The following SAMMSON variants were observed in gnomAD, a reference collection of about 807,000 sequenced individuals.
SAMMSON encodes the protein long intergenic non-protein coding RNA 1212.
chr3:70,355,926 TA>T (rs1267099557), intron 8 of SAMMSON, among the ~76,000 whole-genome samples: 3 of 151,748 alleles, frequency 2.0e-5, no homozygotes, highest in African/African-American at 7.3e-5. Context: ...TCACATATTC[TA>T]AAAAAAAGCT....
chr3:70,394,221 C>T (rs573701195), downstream of SAMMSON, among the ~76,000 whole-genome samples: 8 of 152,248 alleles, frequency 5.3e-5, no homozygotes, highest in East Asian at 3.9e-4. Context: ...TATTGATTAT[C>T]GTGTGAGAGA....
At chr3:70,315,298 T>C (rs973109615) in intron 7 of SAMMSON, among the ~76,000 whole-genome samples, 1 of 152,166 alleles carries the variant, frequency 6.6e-6, no homozygotes, top group Non-Finnish European at 1.5e-5. Flanking sequence ...GATTTTGCCT[T>C]TGCCCTTTGA....
At chr3:70,254,040 A>C (rs1194878963) in intron 6 of SAMMSON, among the ~76,000 whole-genome samples, 3 of 152,226 alleles carry the variant, frequency 2.0e-5, no homozygotes, top group African/African-American at 7.2e-5. Context: ...GAATCTGTAC[A>C]GTTTGATTCA....
intron 7 of SAMMSON, among the ~76,000 whole-genome samples, chr3:70,334,518 G>A (rs947958153): frequency 6.6e-6 from 1 of 151,908 alleles, no homozygotes; most frequent in Admixed American, 6.6e-5. Flanking sequence ...TGACCTATAG[G>A]ACAATGTTTT....
In SAMMSON at chr3:70,061,273, T is replaced by C. The variant is rs570590256; in HGVS notation, n.418-10203T>C. On this transcript the variant is annotated intron_variant and non_coding_transcript_variant, in intron 3 of 9. Transcript: ENST00000642114. ...GGACTGCCTAGCAGGCGAATGCAAC[T>C]GTGAGTCAGGAGCTCAGAGCCATGA... Among the ~76,000 whole-genome samples the C allele has an allele frequency of 5.9e-5, 9 of 152,190 alleles. No individual in the cohort carries two copies. The South Asian group carries it at 1.9e-3, about 32-fold the overall frequency.
rs192328511 is a variant in SAMMSON at position 70,112,944 on chromosome 3, G to A, written n.507+41379G>A. The stretch of plus-strand genomic sequence containing the variant: ...CCAAAACTCACAGGAACATATTTTG[G>A]AGTATTGAGTGCTTTCTATGAACAA... On this transcript the variant is annotated intron_variant and non_coding_transcript_variant, in intron 4 of 9. Transcript: ENST00000642114. 2.0e-5 allele frequency among the ~76,000 whole-genome samples: 3 copies of A among 152,236 alleles called. No individual in the cohort carries two copies. The East Asian group carries it at 5.8e-4, about 29-fold the overall frequency.
chr3:70,023,289 T>C (rs1245343556), intron 3 of SAMMSON, among the ~76,000 whole-genome samples: 1 of 151,608 alleles, frequency 6.6e-6, no homozygotes, highest in African/African-American at 2.4e-5. Flanking sequence ...ACCCCGTCTC[T>C]AGTAAAAATA....
intron 2 of SAMMSON, among the ~76,000 whole-genome samples, chr3:70,406,906 G>A (rs561701254): frequency 1.3e-4 from 20 of 152,244 alleles, no homozygotes; most frequent in South Asian, 8.3e-4. Flanking sequence ...GTCTGTTTTC[G>A]TGCTGCTGAT....
intron 9 of SAMMSON, among the ~76,000 whole-genome samples, chr3:70,380,790 G>A (rs980677613): frequency 2.6e-5 from 4 of 151,828 alleles, no homozygotes; most frequent in East Asian, 1.9e-4. Flanking sequence ...GAGAGTATGC[G>A]GTGTTTGGTT....
intron 4 of SAMMSON, among the ~76,000 whole-genome samples, chr3:70,232,912 G>T (rs2106746069): frequency 6.6e-6 from 1 of 152,254 alleles, no homozygotes; most frequent in East Asian, 1.9e-4. Context: ...CCCTATGCTA[G>T]GCGTGGGGGT....
rs142055233 is a variant in SAMMSON at position 70,093,463 on chromosome 3, A to G, written n.507+21898A>G. ...GATCTTTCTGCCTCAAGAAAAGGCA[A>G]CTTGGTTGTTTGTAGATGACTAAAT... is the stretch of plus-strand genomic sequence containing the variant. On this transcript the variant is annotated intron_variant and non_coding_transcript_variant, in intron 4 of 9. Coordinates refer to ENST00000642114, the Ensembl canonical transcript of SAMMSON. Among the ~76,000 whole-genome samples the G allele has an allele frequency of 1.7e-3, 253 of 152,268 alleles. 5 individuals are homozygous for G. The East Asian group carries it at 0.045, about 27-fold the overall frequency.
intron 2 of SAMMSON, among the ~76,000 whole-genome samples, chr3:70,411,551 TC>T (rs1453733585): frequency 6.6e-6 from 1 of 152,198 alleles, no homozygotes; most frequent in Non-Finnish European, 1.5e-5. Flanking sequence ...TTTGGCTGTG[TC>T]CCCACCCAAA....
chr3:70,087,056 ATC>A (rs1000786939), intron 4 of SAMMSON, among the ~76,000 whole-genome samples: 1 of 152,174 alleles, frequency 6.6e-6, no homozygotes, highest in African/African-American at 2.4e-5. Flanking sequence ...GAAAGATGCC[ATC>A]TCTGAGCTTC....
intron 4 of SAMMSON, chr3:70,094,560 G>A (rs2067316988): frequency 6.6e-6 from 1 of 152,130 alleles, no homozygotes. Flanking sequence ...CATCCTGTCT[G>A]ATTTAAATTG....
downstream of SAMMSON, among the ~76,000 whole-genome samples, chr3:70,392,908 G>T (rs532964036): frequency 5.3e-5 from 8 of 152,206 alleles, no homozygotes; most frequent in South Asian, 1.7e-3. Flanking sequence ...GCAGTAAGGG[G>T]TGGCAGAGAA....
chr3:70,151,958 TA>T (rs1034217450), intron 4 of SAMMSON, among the ~76,000 whole-genome samples: 1 of 151,982 alleles, frequency 6.6e-6, no homozygotes, highest in African/African-American at 2.4e-5. Flanking sequence ...ATCATATTAT[TA>T]AAAAATAGTG....
intron 4 of SAMMSON, chr3:70,126,081 C>T (rs540860409): frequency 1.9e-5 from 23 of 1,200,962 alleles, no homozygotes; most frequent in Non-Finnish European, 2.7e-5. Context: ...AGAACTTAGG[C>T]ACGCTTGCCA....
intron 4 of SAMMSON, among the ~76,000 whole-genome samples, chr3:70,192,241 G>A (rs1701136086): frequency 6.6e-6 from 1 of 152,184 alleles, no homozygotes; most frequent in Non-Finnish European, 1.5e-5. Flanking sequence ...AGCTGTGCAA[G>A]CACCTCTAAT....
At chr3:70,086,374 A>T (rs2067285622) in intron 4 of SAMMSON, among the ~76,000 whole-genome samples, 1 of 152,236 alleles carries the variant, frequency 6.6e-6, no homozygotes. Context: ...GTATTTTCAA[A>T]GGGATCTATT....
Sources: allele counts gnomAD v4.1 joint callset (sites outside exome capture counted in the v4.1 genomes callset), GRCh38; gene constraint gnomAD v4.1.1; transcripts MANE v1.5; gene names NCBI Gene and HGNC (gene_info 2026-07-23, HGNC 2026-07-21).